CYTH3: variants seen among roughly 807,000 people sequenced by gnomAD.
CYTH3 encodes cytohesin-3.
Under a neutral mutation model 55.1 loss-of-function variants are expected in CYTH3, and 23 were observed. The ratio of observed to expected loss-of-function variants is 0.42; its 90% confidence interval spans 0.30 to 0.59. The LOEUF is 0.59. CYTH3 is among the 20% of genes least tolerant of loss of function. The probability of loss-of-function intolerance (pLI) is 0.20; values close to 1 mark genes in which losing one functional copy is unlikely to be tolerated. For synonymous variants in CYTH3, 249 were observed against 194.9 expected (o/e 1.28, Z -2.31); for missense variants, 413 against 524.8 (o/e 0.79, Z 2.08).
chr7:6,165,477 T>A (rs780335334), intron 11 of CYTH3, 50 bp from the exon 12 acceptor site: 6 of 1,609,282 alleles, frequency 3.7e-6, no homozygotes, highest in Non-Finnish European at 5.1e-6. Context: ...TGGGGCAGGT[T>A]CCCTGCAGGC....
At chr7:6,186,849 C>A (rs1783666058) in intron 4 of CYTH3, among the ~76,000 whole-genome samples, 1 of 152,216 alleles carries the variant, frequency 6.6e-6, no homozygotes, top group South Asian at 2.1e-4. Flanking sequence ...GGCCTTTCTG[C>A]CCAGGGCACC....
intron 1 of CYTH3, among the ~76,000 whole-genome samples, chr7:6,271,226 T>C (rs1780643346): frequency 6.6e-6 from 1 of 152,254 alleles, no homozygotes; most frequent in Middle Eastern, 3.4e-3. Flanking sequence ...ACTCGCCAAA[T>C]GCCATGACGG....
At chr7:6,237,891 G>A (rs995183447) in intron 1 of CYTH3, among the ~76,000 whole-genome samples, 4 of 152,184 alleles carry the variant, frequency 2.6e-5, no homozygotes, top group African/African-American at 9.7e-5. Context: ...TAGCAGGAGT[G>A]GCAAACCCAA....
intron 12 of CYTH3, 64 bp from the exon 13 acceptor site, chr7:6,165,080 C>G: frequency 6.2e-7 from 1 of 1,606,488 alleles, no homozygotes; most frequent in South Asian, 1.1e-5. Flanking sequence ...CCCTTTCCCA[C>G]CAGCCCCAGA....
intron 1 of CYTH3, among the ~76,000 whole-genome samples, chr7:6,243,655 T>C (rs1779731779): frequency 6.6e-6 from 1 of 152,236 alleles, no homozygotes; most frequent in South Asian, 2.1e-4. Flanking sequence ...ATAATTAAAT[T>C]ACAGCCAGCC....
In CYTH3 at chr7:6,199,890, C is replaced by T. The variant is rs75888146; in HGVS notation, c.35-9359G>A. On this transcript the variant is annotated intron_variant, in intron 1 of 12. Transcript: ENST00000350796. ...CACACGTTATAAGCTGCTTATCCCA[C>T]ATGTGAAATGGTTAACATCATTTGA... is the stretch of plus-strand genomic sequence containing the variant. 8.5e-3 allele frequency among the ~76,000 whole-genome samples: 1,296 copies of T among 152,270 alleles called. 7 individuals carry two copies. The highest frequency in any genetic ancestry group is 0.015 in the Non-Finnish European group (987 of 68,014).
At chr7:6,197,672 G>A (rs6974814) in intron 1 of CYTH3, among the ~76,000 whole-genome samples, 6,178 of 151,916 alleles carry the variant, frequency 0.041, 235 homozygotes, top group African/African-American at 0.098. Context: ...AACAAGAGTG[G>A]AACTCTGCCT....
intron 1 of CYTH3, among the ~76,000 whole-genome samples, chr7:6,232,312 T>TA (rs1198186776): frequency 2.6e-5 from 4 of 152,124 alleles, no homozygotes; most frequent in Non-Finnish European, 5.9e-5. Context: ...GACACACTCT[T>TA]AGATTAAGCA....
chr7:6,173,792 G>T, intron 5 of CYTH3, 59 bp from the exon 6 acceptor site: 1 of 969,906 alleles, frequency 1.0e-6, no homozygotes, highest in Non-Finnish European at 1.7e-6. Flanking sequence ...CATTTTAAAA[G>T]ATGCGGCTGA....
intron 1 of CYTH3, among the ~76,000 whole-genome samples, chr7:6,254,128 G>A (rs757790787): frequency 6.6e-5 from 10 of 152,288 alleles, no homozygotes; most frequent in South Asian, 2.1e-4. Flanking sequence ...GTTGAAGTGA[G>A]CTGAGAGATC....
rs1783512838 is a variant in CYTH3, at chr7:6,181,893, GT to G, written c.250-3953del. Among the ~76,000 whole-genome samples, 3 of 152,198 alleles carry G rather than the reference GT, an allele frequency of 2.0e-5. No individual in the cohort carries two copies. In the South Asian group the frequency reaches 6.2e-4, roughly 32 times the overall value. Reference sequence around the variant, plus strand: ...AGTGATGATGTGACACACACTCCTAGTTTTCATTTCCAAGGTTCTTTTTCAC... The same window carrying G: ...AGTGATGATGTGACACACACTCCTAGTTTCATTTCCAAGGTTCTTTTTCAC... On this transcript the variant is annotated intron_variant, in intron 4 of 12. Coordinates refer to ENST00000350796, the MANE Select transcript of CYTH3 (RefSeq NM_004227.4).
chr7:6,204,940 G>A (rs571445920), intron 1 of CYTH3, among the ~76,000 whole-genome samples: 168 of 152,268 alleles, frequency 1.1e-3, no homozygotes, highest in African/African-American at 3.9e-3. Flanking sequence ...TGAGGTGGGT[G>A]GATCACTTGA....
intron 1 of CYTH3, among the ~76,000 whole-genome samples, chr7:6,223,217 C>T (rs1396595321): frequency 2.0e-5 from 3 of 151,446 alleles, no homozygotes; most frequent in South Asian, 2.1e-4. Flanking sequence ...AGGAGCGCCT[C>T]GGCCCGGCCG....
chr7:6,209,768 A>T (rs990518314), intron 1 of CYTH3, among the ~76,000 whole-genome samples: 48 of 152,238 alleles, frequency 3.2e-4, no homozygotes, highest in Non-Finnish European at 2.1e-4. Context: ...ATGAAATATT[A>T]TTCAGTGATA....
intron 5 of CYTH3, among the ~76,000 whole-genome samples, chr7:6,176,641 G>T (rs1583745071): frequency 6.6e-6 from 1 of 152,078 alleles, no homozygotes; most frequent in Non-Finnish European, 1.5e-5. Flanking sequence ...GATTCCTTAG[G>T]ATATTCTATA....
chr7:6,267,908 T>G (rs1780544158), intron 1 of CYTH3, among the ~76,000 whole-genome samples: 1 of 152,206 alleles, frequency 6.6e-6, no homozygotes, highest in African/African-American at 2.4e-5. Context: ...TGAAACTGCT[T>G]TCCAATTTTA....
intron 1 of CYTH3, among the ~76,000 whole-genome samples, chr7:6,206,126 T>C (rs879854237): frequency 2.0e-5 from 3 of 151,998 alleles, no homozygotes; most frequent in Non-Finnish European, 4.4e-5. Flanking sequence ...CCCCAAAAAG[T>C]AAAAACATAT....
At chr7:6,192,009 G>A (rs1272270462) in intron 1 of CYTH3, among the ~76,000 whole-genome samples, 3 of 152,004 alleles carry the variant, frequency 2.0e-5, no homozygotes, top group South Asian at 2.1e-4. Flanking sequence ...CAGCCCAGGA[G>A]TTTGAGGCTG....
intron 1 of CYTH3, among the ~76,000 whole-genome samples, chr7:6,232,892 G>A (rs557149720): frequency 1.9e-4 from 29 of 152,064 alleles, no homozygotes; most frequent in Non-Finnish European, 3.1e-4. Flanking sequence ...CATCCACTTC[G>A]GGTGCCAGCC....
Sources: allele counts gnomAD v4.1 joint callset (sites outside exome capture counted in the v4.1 genomes callset), GRCh38; gene constraint gnomAD v4.1.1; transcripts MANE v1.5; gene names NCBI Gene and HGNC (gene_info 2026-07-23, HGNC 2026-07-21).